The following ME2 variants were observed in gnomAD, a reference collection of about 807,000 sequenced individuals.
The protein encoded by ME2 is malic enzyme 2.
A neutral mutation model predicts 73.7 loss-of-function variants in ME2; 60 were observed. That is an observed-to-expected ratio of 0.81 (90% CI 0.66 to 1.01). ME2 has a LOEUF of 1.01. Among genes scored for constraint, ME2 ranks in the 50% least tolerant of loss-of-function variants. ME2 has a pLI of 0.00. For synonymous variants in ME2, 199 were observed against 236.9 expected (o/e 0.84, Z 1.47); for missense variants, 594 against 705.5 (o/e 0.84, Z 1.79).
chr18:50,881,389 A>T (rs1916317966), intron 1 of ME2, among the ~76,000 whole-genome samples: 1 of 152,222 alleles, frequency 6.6e-6, no homozygotes, highest in South Asian at 2.1e-4. Flanking sequence ...TTTACTAAGG[A>T]TTAATATTAC....
chr18:50,896,378 C>G (rs965326164), intron 2 of ME2, among the ~76,000 whole-genome samples: 2 of 152,122 alleles, frequency 1.3e-5, no homozygotes, highest in Non-Finnish European at 2.9e-5. Flanking sequence ...GGACACAAAC[C>G]ATTGCACACA....
intron 1 of ME2, among the ~76,000 whole-genome samples, chr18:50,884,472 C>T (rs932001828): frequency 1.3e-5 from 2 of 152,124 alleles, no homozygotes; most frequent in Non-Finnish European, 1.5e-5. Flanking sequence ...TTCAGCCTCC[C>T]GAGTAGCTGG....
At chr18:50,883,644 C>T (rs1916381405) in intron 1 of ME2, among the ~76,000 whole-genome samples, 1 of 152,178 alleles carries the variant, frequency 6.6e-6, no homozygotes, top group South Asian at 2.1e-4. Flanking sequence ...GGGCGGATCA[C>T]CTGAGATCAG....
At chr18:50,939,139 AG>A (rs1917884559) in intron 13 of ME2, 2 of 113,658 alleles carry the variant, frequency 1.8e-5, no homozygotes, top group African/African-American at 3.0e-5. Context: ...AAAAAAAAAA[AG>A]AAAAAAAAAA....
rs549441492 is a variant in ME2, at chr18:50,916,243, G to T, written c.468G>T (p.Lys156Asn). ...IVDNWPENHVKAVVVTDGERI... is the reference protein window; with the variant it reads ...IVDNWPENHVNAVVVTDGERI... Reference sequence around the variant, plus strand: ...ATAACTGGCCAGAAAATCATGTTAAGGTACTAATAGCACAACCCTCCTTTT... The same window carrying T: ...ATAACTGGCCAGAAAATCATGTTAATGTACTAATAGCACAACCCTCCTTTT... The change falls in exon 5 of 16, where the codon AAG becomes AAT. Residue 156 changes from lysine to asparagine, a missense_variant and splice_region_variant. Physicochemically the swap from Lys to Asn is moderately conservative, Grantham distance 94. Coordinates refer to ENST00000321341, the MANE Select transcript of ME2 (RefSeq NM_002396.5). 2 of 1,604,306 alleles carry T rather than the reference G, an allele frequency of 1.2e-6. No individual in the cohort carries two copies. The highest frequency in any genetic ancestry group is 8.5e-7 in the Non-Finnish European group (1 of 1,172,532).
Position 50,949,800 on chromosome 18 carries a change from C to T in ME2, c.*2616C>T, listed in dbSNP as rs548289668. The T allele has an allele frequency of 1.3e-5, 2 of 151,950 alleles. No homozygotes were observed. Among genetic ancestry groups the T allele is most frequent in the Non-Finnish European group, 2.9e-5 (2 of 67,980 alleles). 9.4% of individuals were successfully genotyped at this position (151,950 alleles called of 1,614,324 possible). On this transcript the variant is annotated 3_prime_UTR_variant, in exon 16 of 16. Coordinates refer to ENST00000321341, the MANE Select transcript of ME2 (RefSeq NM_002396.5). Reference sequence around the variant, plus strand: ...ATAATTCTATTTTTTTAAAAAGCTCCCAATTGTCATTGTTATTTACCAGTC... The same window carrying T: ...ATAATTCTATTTTTTTAAAAAGCTCTCAATTGTCATTGTTATTTACCAGTC...
At chr18:50,921,640 G>C (rs1266715957) in intron 10 of ME2, among the ~76,000 whole-genome samples, 3 of 151,988 alleles carry the variant, frequency 2.0e-5, no homozygotes, top group Non-Finnish European at 4.4e-5. Context: ...GCAGTGGTGC[G>C]ATGTCACCTC....
rs1280396509 is a variant in ME2 at position 50,952,099 on chromosome 18, A to C, written c.*4915A>C. ...GTGTTCAGGTGCCATGTATTCATATAGCTCTCAACTGATTGGTGATTTGCA... is the reference window on the plus strand; with the variant it reads ...GTGTTCAGGTGCCATGTATTCATATCGCTCTCAACTGATTGGTGATTTGCA... On this transcript the variant is annotated 3_prime_UTR_variant, in exon 16 of 16. Transcript: ENST00000321341. 44 of 152,166 alleles carry C rather than the reference A, an allele frequency of 2.9e-4. No homozygotes were observed. Among genetic ancestry groups the C allele is most frequent in the Admixed American group, 2.9e-3 (44 of 15,276 alleles). The allele number at this position is 152,166 out of a possible 1,614,324, so 9.4% of individuals were successfully genotyped here.
At chr18:50,923,960 T>G in intron 10 of ME2, 138 bp from the exon 11 acceptor site, 2 of 570,524 alleles carry the variant, frequency 3.5e-6, no homozygotes, top group South Asian at 5.3e-5. Flanking sequence ...TTGGAAGGTA[T>G]GGGTTGAAGA....
chr18:50,899,960 G>A (rs551685701), intron 2 of ME2, among the ~76,000 whole-genome samples: 8 of 152,252 alleles, frequency 5.3e-5, no homozygotes, highest in East Asian at 1.9e-4. Flanking sequence ...ATTGGTGCTC[G>A]GAGTTTCACA....
At position 50,925,852 on chromosome 18, in the gene ME2, C is replaced by T. The variant is rs1184656410; in HGVS notation, c.1268C>T (p.Thr423Ile). 6 of 1,610,930 alleles carry T rather than the reference C, an allele frequency of 3.7e-6. No homozygotes were observed. Among genetic ancestry groups the T allele is most frequent in the Non-Finnish European group, 5.1e-6 (6 of 1,177,142 alleles). ...GTAATATTTGCATTAAGTAATCCTA[C>T]AGCACAGGCAGAGTGCACGGCTGAA... ...RPVIFALSNP[T>I]AQAECTAEEA... The change falls in exon 12 of 16, where the codon ACA becomes ATA. Residue 423 changes from threonine to isoleucine, a missense_variant. Thr to Ile is a moderately conservative substitution (Grantham distance 89). Coordinates refer to ENST00000321341, the MANE Select transcript of ME2 (RefSeq NM_002396.5).
chr18:50,941,927 T>C (rs1917972616), intron 15 of ME2, among the ~76,000 whole-genome samples: 1 of 151,842 alleles, frequency 6.6e-6, no homozygotes, highest in Admixed American at 6.6e-5. Flanking sequence ...GATTGAAGAA[T>C]TAATATATAT....
rs765142001 is a variant in ME2, at chr18:50,912,971, A to AG, written c.392+22dup. ...CCTAAGTAAGGCTTGTTTAAAAAAA[A>AG]GCTTGTAAATGATTATTGAATAAGG... On this transcript the variant is annotated intron_variant, in intron 4 of 15. Transcript: ENST00000321341. 3.7e-5 allele frequency: 58 copies of AG among 1,564,408 alleles called. No individual in the cohort carries two copies. The South Asian group carries it at 6.7e-4, about 18-fold the overall frequency.
chr18:50,895,935 A>G lies in ME2; in HGVS notation c.108+7A>G, dbSNP rs934043447. On this transcript the variant is annotated splice_region_variant and intron_variant, in intron 2 of 15. Coordinates refer to ENST00000321341, the MANE Select transcript of ME2 (RefSeq NM_002396.5). Reference sequence around the variant, plus strand: ...GAACCCAAGAACAAACAAGGTTAGTAACATTAATATCAATGTACATTTTCT... The same window carrying G: ...GAACCCAAGAACAAACAAGGTTAGTGACATTAATATCAATGTACATTTTCT... The G allele has an allele frequency of 9.7e-6, 15 of 1,539,930 alleles. No homozygotes were observed. The highest frequency in any genetic ancestry group is 1.7e-5 in the Admixed American group (1 of 59,796).
intron 1 of ME2, among the ~76,000 whole-genome samples, chr18:50,886,559 G>T (rs1916477665): frequency 6.6e-6 from 1 of 151,956 alleles, no homozygotes; most frequent in African/African-American, 2.4e-5. Flanking sequence ...CTTTTTCTTG[G>T]TTTTGTTCAT....
intron 1 of ME2, among the ~76,000 whole-genome samples, chr18:50,880,515 G>A (rs988211473): frequency 6.6e-5 from 10 of 152,184 alleles, no homozygotes; most frequent in Admixed American, 5.2e-4. Context: ...GGCCGTTCGC[G>A]GTGGCTCACG....
Position 50,949,343 on chromosome 18 carries a change from A to G in ME2, c.*2159A>G, listed in dbSNP as rs1429935091. The G allele has an allele frequency of 6.6e-6, 1 of 152,118 alleles. No individual in the cohort carries two copies. Among genetic ancestry groups the G allele is most frequent in the African/African-American group, 2.4e-5 (1 of 41,394 alleles). 9.4% of individuals were successfully genotyped at this position (152,118 alleles called of 1,614,324 possible). A position where few individuals can be genotyped will look rare whatever the true frequency, so the allele number is the denominator to read the frequency against. ...GGGTTTTGGTTTGTTTGTTTTAGAT[A>G]TGGGGTTTTGCTATGTCACCCTTGC... On this transcript the variant is annotated 3_prime_UTR_variant, in exon 16 of 16. Transcript: ENST00000321341.
intron 1 of ME2, among the ~76,000 whole-genome samples, chr18:50,893,124 C>CAAAAAAAAAAAAA (rs56104427): frequency 1.5e-4 from 12 of 78,090 alleles, no homozygotes; most frequent in African/African-American, 6.5e-4. Flanking sequence ...GACTCTATCT[C>CAAAAAAAAAAAAA]AAAAAAAAAA....
intron 2 of ME2, among the ~76,000 whole-genome samples, chr18:50,897,218 G>T (rs1916766956): frequency 6.6e-6 from 1 of 152,100 alleles, no homozygotes; most frequent in African/African-American, 2.4e-5. Context: ...GGTTCCTTTT[G>T]GGCAGGGACC....
Sources: allele counts gnomAD v4.1 joint callset (sites outside exome capture counted in the v4.1 genomes callset), GRCh38; gene constraint gnomAD v4.1.1; transcripts MANE v1.5; gene names NCBI Gene and HGNC (gene_info 2026-07-23, HGNC 2026-07-21).